TGFBR3: variants seen among roughly 807,000 people sequenced by gnomAD.
TGFBR3 encodes transforming growth factor beta receptor type 3.
TGFBR3 carries 46 observed loss-of-function variants against 87.9 expected under a neutral mutation model. That is an observed-to-expected ratio of 0.52 (90% CI 0.41 to 0.67). TGFBR3 has a LOEUF of 0.67. Among genes scored for constraint, TGFBR3 ranks in the 30% least tolerant of loss-of-function variants. The pLI, the probability that TGFBR3 is intolerant of heterozygous loss-of-function variation, is 0.00. For synonymous variants in TGFBR3, 381 were observed against 391.6 expected, an observed-to-expected ratio of 0.97 and a Z score of 0.32; for missense variants, 866 against 1,041.9, an observed-to-expected ratio of 0.83 and a Z score of 2.32.
At chr1:91,888,852 G>A (rs997794834), upstream of TGFBR3, among the ~76,000 whole-genome samples, 1 of 152,126 alleles carries the variant, frequency 6.6e-6, no homozygotes, top group African/African-American at 2.4e-5. Context: ...ATCAACATCT[G>A]AGCCAGCGTG....
intron 14 of TGFBR3, among the ~76,000 whole-genome samples, chr1:91,706,944 T>C (rs1671818791): frequency 6.6e-6 from 1 of 152,262 alleles, no homozygotes; most frequent in Admixed American, 6.5e-5. Context: ...GGGTCTATTA[T>C]AACTTTCAAA....
intron 1 of TGFBR3, among the ~76,000 whole-genome samples, chr1:91,871,782 G>A (rs962822792): frequency 2.1e-4 from 32 of 152,202 alleles, no homozygotes; most frequent in Non-Finnish European, 4.4e-4. Flanking sequence ...AAAGTGCGGG[G>A]CCCCCATAGC....
intron 16 of TGFBR3, among the ~76,000 whole-genome samples, chr1:91,685,553 A>G (rs748010836): frequency 3.4e-4 from 51 of 151,890 alleles, no homozygotes; most frequent in African/African-American, 8.0e-4. Context: ...CGATCTCCTG[A>G]CCTCGTGATC....
chr1:91,901,577 T>G (rs548435301), intron 1 of TGFBR3, among the ~76,000 whole-genome samples: 8 of 152,262 alleles, frequency 5.3e-5, no homozygotes, highest in Admixed American at 5.2e-4. Flanking sequence ...TTTAAAGACA[T>G]CAAACTAACT....
exon 1 of TGFBR3, chr1:91,905,904 T>A (rs1456598795): frequency 2.6e-5 from 4 of 152,360 alleles, no homozygotes; most frequent in African/African-American, 9.6e-5. Context: ...CAGCCTGATG[T>A]TAAGACCATG....
intron 2 of TGFBR3, among the ~76,000 whole-genome samples, chr1:91,850,191 T>C (rs532654332): frequency 1.1e-4 from 17 of 151,926 alleles, no homozygotes; most frequent in African/African-American, 3.9e-4. Flanking sequence ...GCTAGCAAAG[T>C]ACCTGAATCT....
At chr1:91,860,890 C>A (rs1272422890) in intron 2 of TGFBR3, among the ~76,000 whole-genome samples, 1 of 134,876 alleles carries the variant, frequency 7.4e-6, no homozygotes, top group Non-Finnish European at 1.5e-5. Flanking sequence ...CGAGATCAGG[C>A]CATTGCACTC....
intron 4 of TGFBR3, among the ~76,000 whole-genome samples, chr1:91,756,271 A>AT (rs1401396137): frequency 7.2e-5 from 11 of 152,326 alleles, no homozygotes; most frequent in African/African-American, 2.4e-4. Flanking sequence ...GCTCTACAGT[A>AT]TGAGGGCTAA....
intron 3 of TGFBR3, among the ~76,000 whole-genome samples, chr1:91,786,709 C>T (rs1674981780): frequency 6.6e-6 from 1 of 151,484 alleles, no homozygotes; most frequent in Non-Finnish European, 1.5e-5. Context: ...CAAGATCGCG[C>T]CAATGCACTC....
In TGFBR3 at chr1:91,683,409, C is replaced by T. The variant is rs1557654119; in HGVS notation, c.*330G>A. On this transcript the variant is annotated 3_prime_UTR_variant, in exon 17 of 17. Transcript: ENST00000212355. Reference sequence around the variant, plus strand: ...CAGGGCCCCAAATTATGGATGTTCTCACCTGGACAAAGCAGCATTTTAAAA... The same window carrying T: ...CAGGGCCCCAAATTATGGATGTTCTTACCTGGACAAAGCAGCATTTTAAAA... 1 of 544,782 alleles carries T rather than the reference C, an allele frequency of 1.8e-6. No homozygotes were observed. The allele number at this position is 544,782 out of a possible 1,614,324, so 33.7% of individuals were successfully genotyped here.
At chr1:91,862,723 C>T (rs954341940) in intron 1 of TGFBR3, among the ~76,000 whole-genome samples, 1 of 152,226 alleles carries the variant, frequency 6.6e-6, no homozygotes, top group Admixed American at 6.5e-5. Flanking sequence ...TGAGCATTTA[C>T]TATGCTCCAG....
intron 1 of TGFBR3, among the ~76,000 whole-genome samples, chr1:91,872,612 AG>A (rs1678625112): frequency 1.3e-5 from 2 of 152,322 alleles, no homozygotes; most frequent in South Asian, 4.1e-4. Flanking sequence ...TAACCAGACA[AG>A]GGGATGGGCA....
At chr1:91,686,105 G>A (rs1172533634) in intron 16 of TGFBR3, among the ~76,000 whole-genome samples, 2 of 152,146 alleles carry the variant, frequency 1.3e-5, no homozygotes, top group Non-Finnish European at 2.9e-5. Flanking sequence ...GCTTCATCAA[G>A]CAATAGGGAG....
intron 1 of TGFBR3, among the ~76,000 whole-genome samples, chr1:91,883,915 AG>A (rs1679193021): frequency 6.6e-6 from 1 of 152,192 alleles, no homozygotes; most frequent in Non-Finnish European, 1.5e-5. Flanking sequence ...ATAGCCCTTA[AG>A]GGGGTAAGAA....
At chr1:91,901,762 AGTT>A (rs1373254911) in intron 1 of TGFBR3, among the ~76,000 whole-genome samples, 1 of 150,964 alleles carries the variant, frequency 6.6e-6, no homozygotes, top group African/African-American at 2.4e-5. Context: ...AAAAAAAAAA[AGTT>A]AGCCAGACAT....
At chr1:91,700,714 C>T (rs532873035) in intron 14 of TGFBR3, among the ~76,000 whole-genome samples, 2 of 152,330 alleles carry the variant, frequency 1.3e-5, no homozygotes, top group South Asian at 4.1e-4. Context: ...ACCCTGGGAG[C>T]TGGGTCCCAT....
At chr1:91,851,555 G>A (rs1677738103) in intron 2 of TGFBR3, among the ~76,000 whole-genome samples, 1 of 152,164 alleles carries the variant, frequency 6.6e-6, no homozygotes, top group Non-Finnish European at 1.5e-5. Flanking sequence ...GAAGCTCTAT[G>A]GGGTGATAAA....
At chr1:91,688,877 A>G (rs897011367) in intron 16 of TGFBR3, among the ~76,000 whole-genome samples, 7 of 152,042 alleles carry the variant, frequency 4.6e-5, no homozygotes, top group African/African-American at 1.7e-4. Context: ...GAGAAACAGC[A>G]AGCAGACAGA....
intron 2 of TGFBR3, among the ~76,000 whole-genome samples, chr1:91,892,037 A>T (rs1204084918): frequency 6.6e-6 from 1 of 152,220 alleles, no homozygotes; most frequent in Admixed American, 6.5e-5. Flanking sequence ...GGAATTCCAC[A>T]GAGATTTTGG....
Sources: gnomAD v4.1 joint callset for allele counts (sites outside exome capture counted in the v4.1 genomes callset) on GRCh38, gnomAD v4.1.1 for gene constraint, MANE v1.5 for transcripts, NCBI Gene and HGNC (gene_info 2026-07-23, HGNC 2026-07-21) for gene names.